Variants in CLIC5 observed in about 807,000 individuals in gnomAD.
CLIC5 encodes the protein CLIC family member 5.
A neutral mutation model predicts 24.7 loss-of-function variants in CLIC5; 20 were observed. The observed-to-expected ratio is 0.81, with a 90% confidence interval of 0.57 to 1.18. The LOEUF (loss-of-function observed/expected upper bound fraction) is 1.18. CLIC5 is among the 50% of genes most tolerant of loss of function. The pLI is 0.00. For synonymous variants in CLIC5, 159 were observed against 135.6 expected (o/e 1.17, Z -1.20); for missense variants, 341 against 326.1 (o/e 1.05, Z -0.35).
chr6:45,942,529 G>A (rs1341936110), intron 3 of CLIC5, among the ~76,000 whole-genome samples: 1 of 152,132 alleles, frequency 6.6e-6, no homozygotes, highest in African/African-American at 2.4e-5. Flanking sequence ...GGAAGAGATG[G>A]GAGACAGTCG....
chr6:46,119,514 G>C, the CLIC5 span, among the ~76,000 whole-genome samples: 1 of 152,240 alleles, frequency 6.6e-6, no homozygotes, highest in African/African-American at 2.4e-5. Flanking sequence ...GAGCGACGCA[G>C]AAGATGGGTG....
intron 1 of CLIC5, among the ~76,000 whole-genome samples, chr6:45,968,206 C>A (rs1457001943): frequency 1.3e-5 from 2 of 152,166 alleles, no homozygotes; most frequent in African/African-American, 4.8e-5. Flanking sequence ...TCTCTAAACC[C>A]CTCAGCCACT....
At chr6:46,061,760 C>A (rs1288351490) in intron 1 of CLIC5, among the ~76,000 whole-genome samples, 2 of 152,190 alleles carry the variant, frequency 1.3e-5, no homozygotes, top group Admixed American at 1.3e-4. Flanking sequence ...TAGATTCATA[C>A]CAAGTTGTAT....
chr6:46,098,765 A>G, the CLIC5 span, among the ~76,000 whole-genome samples: 1 of 152,170 alleles, frequency 6.6e-6, no homozygotes, highest in African/African-American at 2.4e-5. Flanking sequence ...TCCCCAGCCC[A>G]GGTGTCACCA....
intron 1 of CLIC5, among the ~76,000 whole-genome samples, chr6:46,054,512 C>T (rs1018422035): frequency 6.6e-6 from 1 of 152,144 alleles, no homozygotes; most frequent in Admixed American, 6.5e-5. Flanking sequence ...TTGAATGTTC[C>T]CTATAAACGA....
chr6:45,915,245 T>TG (rs1459971291), intron 4 of CLIC5, among the ~76,000 whole-genome samples: 24 of 151,962 alleles, frequency 1.6e-4, no homozygotes. Context: ...GCCATTTTTT[T>TG]AAAAAGTTTT....
chr6:45,924,382 C>A (rs1047742890), intron 4 of CLIC5, among the ~76,000 whole-genome samples: 1 of 152,164 alleles, frequency 6.6e-6, no homozygotes, highest in African/African-American at 2.4e-5. Flanking sequence ...GACCTCCCTC[C>A]CCCTTGCTCA....
chr6:46,008,209 T>C (rs1350365049), intron 1 of CLIC5, among the ~76,000 whole-genome samples: 1 of 152,200 alleles, frequency 6.6e-6, no homozygotes, highest in Non-Finnish European at 1.5e-5. Context: ...TGTTGGCTTT[T>C]TTGCTGTCCT....
intron 1 of CLIC5, among the ~76,000 whole-genome samples, chr6:45,987,148 G>A (rs1765772012): frequency 6.6e-6 from 1 of 152,184 alleles, no homozygotes; most frequent in Non-Finnish European, 1.5e-5. Context: ...AACTTAGTTG[G>A]TATGTGGGAA....
chr6:46,029,673 T>A (rs1344451109), intron 1 of CLIC5, among the ~76,000 whole-genome samples: 3 of 152,010 alleles, frequency 2.0e-5, no homozygotes, highest in Non-Finnish European at 4.4e-5. Flanking sequence ...GGGGAGCCCA[T>A]CTTCTTACAA....
chr6:45,889,390 A>C (rs1762330686), intron 6 of CLIC5, among the ~76,000 whole-genome samples: 1 of 152,068 alleles, frequency 6.6e-6, no homozygotes, highest in African/African-American at 2.4e-5. Context: ...ATACCACCAC[A>C]CTGGGGATTA....
rs1484015019 is a variant in CLIC5 at position 46,005,974 on chromosome 6, A to ACG, written c.63+9505_63+9506insCG. Among the ~76,000 whole-genome samples the ACG allele has an allele frequency of 2.4e-3, 307 of 128,322 alleles. 3 individuals are homozygous for ACG. Among genetic ancestry groups the ACG allele is most frequent in the African/African-American group, 9.1e-3 (297 of 32,466 alleles). The allele number at this position is 128,322 out of a possible 152,430, so 84.2% of individuals were successfully genotyped here. A position where few individuals can be genotyped will look rare whatever the true frequency, so the allele number is the denominator to read the frequency against. ...GCTCAAAGAGATTAGGACAGAGCCT[A>ACG]TGTGTGTATATATATATATATATAT... On this transcript the variant is annotated intron_variant, in intron 1 of 5. Transcript: ENST00000339561.
At chr6:46,069,050 G>A (rs559908834) in intron 1 of CLIC5, among the ~76,000 whole-genome samples, 1 of 152,152 alleles carries the variant, frequency 6.6e-6, no homozygotes, top group East Asian at 1.9e-4. Context: ...CTTCTAGGCT[G>A]CATTTGAAAG....
At chr6:46,038,461 A>T (rs1327280325) in intron 1 of CLIC5, among the ~76,000 whole-genome samples, 1 of 152,200 alleles carries the variant, frequency 6.6e-6, no homozygotes, top group Admixed American at 6.5e-5. Context: ...CTTCTCTTGG[A>T]TGATTTTCCA....
At chr6:46,036,102 G>A (rs1767651959) in intron 1 of CLIC5, among the ~76,000 whole-genome samples, 1 of 152,024 alleles carries the variant, frequency 6.6e-6, no homozygotes, top group African/African-American at 2.4e-5. Context: ...CACCTTACTT[G>A]TGCTCAAATT....
chr6:46,062,503 C>A (rs1184389882), intron 1 of CLIC5, among the ~76,000 whole-genome samples: 2 of 152,218 alleles, frequency 1.3e-5, no homozygotes, highest in Middle Eastern at 3.2e-3. Flanking sequence ...ACAGGCCCTG[C>A]CCTTCTGCTG....
the CLIC5 span, among the ~76,000 whole-genome samples, chr6:46,122,181 G>A: frequency 2.2e-4 from 33 of 152,066 alleles, 1 homozygote; most frequent in Non-Finnish European, 1.2e-4. Flanking sequence ...TAGTTGGAAG[G>A]AAAGCACTCC....
At chr6:45,916,666 TG>T (rs1425074665) in intron 4 of CLIC5, among the ~76,000 whole-genome samples, 26 of 152,286 alleles carry the variant, frequency 1.7e-4, no homozygotes, top group African/African-American at 5.5e-4. Context: ...GGAAATATCA[TG>T]AAATTTGGTG....
intron 1 of CLIC5, among the ~76,000 whole-genome samples, chr6:45,988,940 C>T (rs1765835330): frequency 6.6e-6 from 1 of 152,182 alleles, no homozygotes. Context: ...CAGTCTCAGT[C>T]TATGAGGCTT....
Sources: allele counts gnomAD v4.1 joint callset (sites outside exome capture counted in the v4.1 genomes callset), GRCh38; gene constraint gnomAD v4.1.1; transcripts MANE v1.5; gene names NCBI Gene and HGNC (gene_info 2026-07-23, HGNC 2026-07-21).